DNAH8: variants seen among roughly 807,000 people sequenced by gnomAD.
The protein encoded by DNAH8 is dynein axonemal heavy chain 8.
A neutral mutation model predicts 562.1 loss-of-function variants in DNAH8; 382 were observed. The observed-to-expected ratio is 0.68, with a 90% CI of 0.63 to 0.74. The LOEUF is 0.74. Ranked by LOEUF, DNAH8 falls within the 30% of genes least tolerant of loss-of-function variation. The pLI is 0.00. For missense variants in DNAH8, 5,203 were observed against 5,620.4 expected (o/e 0.93, Z 2.37); for synonymous variants, 1,881 against 1,919.4 (o/e 0.98, Z 0.52).
intron 24 of DNAH8, among the ~76,000 whole-genome samples, chr6:38,812,046 G>A (rs973669557): frequency 8.5e-5 from 13 of 152,128 alleles, no homozygotes; most frequent in Admixed American, 3.3e-4. Context: ...GTAAGTTGAC[G>A]CATTTTGTCT....
intron 23 of DNAH8, 70 bp downstream of exon 23, chr6:38,805,666 T>C (rs1771207935): frequency 1.2e-6 from 1 of 836,964 alleles, no homozygotes; most frequent in South Asian, 1.6e-5. Context: ...TAACCCCATA[T>C]GGTGCTTTTT....
intron 44 of DNAH8, among the ~76,000 whole-genome samples, chr6:38,863,088 GT>G (rs1403296473): frequency 2.0e-5 from 3 of 152,198 alleles, no homozygotes; most frequent in African/African-American, 7.2e-5. Context: ...ACGTACAACT[GT>G]TGATTTAGCA....
intron 35 of DNAH8, among the ~76,000 whole-genome samples, chr6:38,843,680 C>A (rs1046136447): frequency 4.6e-5 from 7 of 152,076 alleles, no homozygotes; most frequent in East Asian, 1.9e-4. Context: ...ATTAATTTCA[C>A]CTGGACTGAA....
chr6:38,748,559 A>G (rs1055585991), intron 8 of DNAH8, among the ~76,000 whole-genome samples: 2 of 152,012 alleles, frequency 1.3e-5, no homozygotes, highest in Admixed American at 1.3e-4. Flanking sequence ...CCAATTCTCA[A>G]GCAGGCACTT....
intron 83 of DNAH8, among the ~76,000 whole-genome samples, chr6:38,973,454 A>G (rs1339942304): frequency 6.6e-6 from 1 of 152,204 alleles, no homozygotes; most frequent in Non-Finnish European, 1.5e-5. Flanking sequence ...GAATACAATC[A>G]TTTTGAACCC....
intron 3 of DNAH8, among the ~76,000 whole-genome samples, chr6:38,725,822 T>C (rs1358370657): frequency 6.6e-6 from 1 of 152,238 alleles, no homozygotes; most frequent in African/African-American, 2.4e-5. Context: ...CATTTTGCAC[T>C]ATGTTCATCA....
At chr6:38,989,499 C>T (rs1280223374) in intron 87 of DNAH8, among the ~76,000 whole-genome samples, 1 of 152,188 alleles carries the variant, frequency 6.6e-6, no homozygotes, top group Non-Finnish European at 1.5e-5. Flanking sequence ...GCAAAGGAAG[C>T]TCTTCAACTC....
intron 67 of DNAH8, 53 bp from the exon 68 acceptor site, chr6:38,915,148 A>C (rs1234134418): frequency 1.3e-6 from 2 of 1,485,812 alleles, no homozygotes; most frequent in East Asian, 2.4e-5. Flanking sequence ...CAGATCTATA[A>C]ATTTTGCTTG....
At chr6:38,815,241 G>A (rs1018259566) in intron 25 of DNAH8, among the ~76,000 whole-genome samples, 23 of 152,244 alleles carry the variant, frequency 1.5e-4, no homozygotes, top group African/African-American at 4.6e-4. Flanking sequence ...AGTTACGTCC[G>A]CATTAGCTCG....
chr6:38,840,002 A>C (rs1774644389), intron 33 of DNAH8, among the ~76,000 whole-genome samples: 1 of 152,228 alleles, frequency 6.6e-6, no homozygotes, highest in South Asian at 2.1e-4. Flanking sequence ...TAATTTAAGC[A>C]GAGTAAACTC....
At chr6:38,884,072 G>A (rs1039480267) in intron 56 of DNAH8, 74 bp downstream of exon 56, 2 of 989,984 alleles carry the variant, frequency 2.0e-6, no homozygotes, top group South Asian at 4.6e-5. Flanking sequence ...ATATGTAAAT[G>A]TTAATAACTT....
chr6:38,770,625 G>A (rs1297911859), intron 12 of DNAH8, 66 bp downstream of exon 12: 3 of 1,401,230 alleles, frequency 2.1e-6, no homozygotes, highest in African/African-American at 1.4e-5. Context: ...TGTACTTTAT[G>A]TAGTGCCATT....
intron 56 of DNAH8, among the ~76,000 whole-genome samples, chr6:38,884,525 C>T (rs13204514): frequency 0.19 from 28,397 of 152,092 alleles, 3,051 homozygotes; most frequent in Non-Finnish European, 0.23. Context: ...AACTCCTGAC[C>T]TCAGATGATC....
intron 65 of DNAH8, among the ~76,000 whole-genome samples, chr6:38,910,852 G>A (rs1472596582): frequency 6.6e-6 from 1 of 152,072 alleles, no homozygotes; most frequent in African/African-American, 2.4e-5. Context: ...TAATTTTATA[G>A]TACGTGAAGA....
intron 27 of DNAH8, among the ~76,000 whole-genome samples, chr6:38,823,321 CTTA>C (rs1298081857): frequency 6.6e-6 from 1 of 152,148 alleles, no homozygotes; most frequent in Non-Finnish European, 1.5e-5. Flanking sequence ...GTGCGTCACA[CTTA>C]TGTAGACCCA....
intron 48 of DNAH8, 27 bp downstream of exon 48, chr6:38,868,223 C>A (rs745734440): frequency 1.3e-6 from 2 of 1,585,948 alleles, no homozygotes; most frequent in South Asian, 1.2e-5. Flanking sequence ...CTCTTCTTTT[C>A]CACAATTTTA....
chr6:38,809,762 T>C (rs1476419626), intron 24 of DNAH8, among the ~76,000 whole-genome samples: 1 of 152,218 alleles, frequency 6.6e-6, no homozygotes, highest in African/African-American at 2.4e-5. Context: ...AGTGTGATTG[T>C]GGATTTATTA....
intron 88 of DNAH8, among the ~76,000 whole-genome samples, chr6:39,005,581 C>G (rs62398584): frequency 0.15 from 23,322 of 151,968 alleles, 2,044 homozygotes; most frequent in African/African-American, 0.24. Flanking sequence ...ATTTGCTTTT[C>G]CTAATAAATA....
chr6:38,886,710 T>A (rs1431805684), intron 56 of DNAH8, 81 bp from the exon 57 acceptor site: 2 of 1,092,336 alleles, frequency 1.8e-6, no homozygotes, highest in South Asian at 1.3e-5. Flanking sequence ...TTTCTTCTAA[T>A]CTCATTTGTA....
Sources: gnomAD v4.1 joint callset for allele counts (sites outside exome capture counted in the v4.1 genomes callset) on GRCh38, gnomAD v4.1.1 for gene constraint, MANE v1.5 for transcripts, NCBI Gene and HGNC (gene_info 2026-07-23, HGNC 2026-07-21) for gene names.